NR2F1-AS1: variants seen among roughly 807,000 people sequenced by gnomAD.
NR2F1-AS1 encodes NR2F1 antisense RNA 1.
At chr5:93,431,350 G>A (rs1319232708) in intron 4 of NR2F1-AS1, among the ~76,000 whole-genome samples, 4 of 152,122 alleles carry the variant, frequency 2.6e-5, no homozygotes, top group African/African-American at 7.2e-5. Context: ...TTATATCTTA[G>A]TCACAGACAC....
At chr5:93,568,280 A>T (rs574181485) in intron 1 of NR2F1-AS1, among the ~76,000 whole-genome samples, 137 of 152,348 alleles carry the variant, frequency 9.0e-4, no homozygotes, top group African/African-American at 3.1e-3. Context: ...ACAAATAAAC[A>T]TAATAAATGT....
intron 4 of NR2F1-AS1, among the ~76,000 whole-genome samples, chr5:93,517,067 TATCA>T (rs2149893501): frequency 6.6e-6 from 1 of 152,126 alleles, no homozygotes; most frequent in Admixed American, 6.6e-5. Context: ...AATGCAATCT[TATCA>T]ATCAATTCAC....
upstream of NR2F1-AS1, chr5:93,581,199 T>C (rs1753020732): frequency 6.6e-6 from 1 of 152,198 alleles, no homozygotes; most frequent in Non-Finnish European, 1.5e-5. Context: ...GTGTTGGCGC[T>C]AGGAATGCTC....
intron 1 of NR2F1-AS1, among the ~76,000 whole-genome samples, chr5:93,575,998 A>G (rs2149932515): frequency 6.6e-6 from 1 of 152,304 alleles, no homozygotes; most frequent in South Asian, 2.1e-4. Context: ...GCATGCATGT[A>G]TTCACTTCTG....
chr5:93,475,090 C>G (rs1580258063), intron 4 of NR2F1-AS1, among the ~76,000 whole-genome samples: 1 of 149,536 alleles, frequency 6.7e-6, no homozygotes, highest in Non-Finnish European at 1.5e-5. Flanking sequence ...TGCCACTGCA[C>G]TCCAGCCTGG....
At chr5:93,414,243 C>T (rs1580203109) in intron 4 of NR2F1-AS1, among the ~76,000 whole-genome samples, 1 of 152,140 alleles carries the variant, frequency 6.6e-6, no homozygotes, top group African/African-American at 2.4e-5. Flanking sequence ...CACTTTGAAA[C>T]AATGTTTTTG....
At chr5:93,558,698 G>T (rs1752419515) in intron 2 of NR2F1-AS1, among the ~76,000 whole-genome samples, 1 of 152,198 alleles carries the variant, frequency 6.6e-6, no homozygotes, top group African/African-American at 2.4e-5. Flanking sequence ...AACAGATGTT[G>T]TATTAGCAGA....
chr5:93,443,274 C>T (rs1398974322), intron 4 of NR2F1-AS1, among the ~76,000 whole-genome samples: 1 of 152,088 alleles, frequency 6.6e-6, no homozygotes, highest in African/African-American at 2.4e-5. Context: ...ATGTTTGAAC[C>T]CATCACAAAG....
At chr5:93,415,222 CTT>C (rs1748944050) in intron 4 of NR2F1-AS1, among the ~76,000 whole-genome samples, 1 of 152,164 alleles carries the variant, frequency 6.6e-6, no homozygotes, top group African/African-American at 2.4e-5. Flanking sequence ...GGACAAATAA[CTT>C]AAACTCTATA....
chr5:93,452,934 CA>C (rs201773862), intron 4 of NR2F1-AS1, among the ~76,000 whole-genome samples: 24 of 150,158 alleles, frequency 1.6e-4, no homozygotes, highest in African/African-American at 5.4e-4. Context: ...AGCATCTGTT[CA>C]AAAAAAAATT....
At chr5:93,453,106 T>G (rs1749872611) in intron 4 of NR2F1-AS1, among the ~76,000 whole-genome samples, 1 of 152,128 alleles carries the variant, frequency 6.6e-6, no homozygotes, top group African/African-American at 2.4e-5. Flanking sequence ...AACATGAACA[T>G]GTTGAAGAAA....
At chr5:93,522,850 A>T (rs1252372690) in intron 4 of NR2F1-AS1, among the ~76,000 whole-genome samples, 1 of 152,168 alleles carries the variant, frequency 6.6e-6, no homozygotes, top group Non-Finnish European at 1.5e-5. Context: ...TGCAATCTGC[A>T]GACCAGAAGA....
intron 2 of NR2F1-AS1, among the ~76,000 whole-genome samples, chr5:93,557,289 G>C (rs141733083): frequency 6.6e-6 from 1 of 152,250 alleles, no homozygotes; most frequent in East Asian, 1.9e-4. Flanking sequence ...TGAGTTACTT[G>C]ATGAGCAATA....
chr5:93,585,512 C>A, upstream of NR2F1-AS1: 1 of 1,576,420 alleles, frequency 6.3e-7, no homozygotes, highest in Non-Finnish European at 8.7e-7. Flanking sequence ...CTGCTTCTCT[C>A]CCCGCGCTTC....
At chr5:93,526,580 C>G (rs746079827) in intron 4 of NR2F1-AS1, among the ~76,000 whole-genome samples, 1 of 152,052 alleles carries the variant, frequency 6.6e-6, no homozygotes, top group Non-Finnish European at 1.5e-5. Flanking sequence ...TGATGAACAT[C>G]GATGCAAAAA....
chr5:93,525,617 C>T (rs1181236564), intron 4 of NR2F1-AS1, among the ~76,000 whole-genome samples: 1 of 152,122 alleles, frequency 6.6e-6, no homozygotes, highest in Non-Finnish European at 1.5e-5. Flanking sequence ...AACAACATTC[C>T]TCAGCAAATG....
chr5:93,474,231 G>A (rs936085774), intron 4 of NR2F1-AS1, among the ~76,000 whole-genome samples: 1 of 151,908 alleles, frequency 6.6e-6, no homozygotes, highest in African/African-American at 2.4e-5. Flanking sequence ...AATTTTAATC[G>A]ATTTAGAAAG....
intron 4 of NR2F1-AS1, among the ~76,000 whole-genome samples, chr5:93,468,589 T>C (rs1414789776): frequency 6.6e-6 from 1 of 152,240 alleles, no homozygotes; most frequent in Non-Finnish European, 1.5e-5. Context: ...TCTACCATTC[T>C]GTAGGTTGTC....
At chr5:93,517,276 T>C (rs1751416983) in intron 4 of NR2F1-AS1, among the ~76,000 whole-genome samples, 1 of 152,070 alleles carries the variant, frequency 6.6e-6, no homozygotes, top group East Asian at 1.9e-4. Flanking sequence ...AGTAGAGCCT[T>C]GGGAATACAA....
Sources: allele counts gnomAD v4.1 joint callset (sites outside exome capture counted in the v4.1 genomes callset), GRCh38; gene constraint gnomAD v4.1.1; transcripts MANE v1.5; gene names NCBI Gene and HGNC (gene_info 2026-07-23, HGNC 2026-07-21).